The following RAF1 variants were observed in gnomAD, a reference collection of about 807,000 sequenced individuals.
The protein encoded by RAF1 is RAF proto-oncogene serine/threonine-protein kinase.
Under a neutral mutation model 81.1 loss-of-function variants are expected in RAF1, and 27 were observed. That is an observed-to-expected ratio of 0.33 (90% CI 0.25 to 0.46). The LOEUF is 0.46. RAF1 is among the 20% of genes least tolerant of loss of function. The pLI, the probability that RAF1 is intolerant of heterozygous loss-of-function variation, is 1.00. For missense variants in RAF1, 598 were observed against 826.0 expected (o/e 0.72, Z 3.38); for synonymous variants, 298 against 294.0 (o/e 1.01, Z -0.14).
chr3:12,612,649 CAAAAAAAAAA>C (rs546490049), intron 2 of RAF1, among the ~76,000 whole-genome samples: 1 of 74,684 alleles, frequency 1.3e-5, no homozygotes, highest in Non-Finnish European at 3.0e-5. Flanking sequence ...GACTCCGTCT[CAAAAAAAAAA>C]AAAAAAAAAG....
chr3:12,604,419 T>C (rs1237412118), intron 6 of RAF1, 130 bp from the exon 7 acceptor site: 1 of 1,001,710 alleles, frequency 1.0e-6, no homozygotes, highest in African/African-American at 1.6e-5. Context: ...ACAAAATGTT[T>C]GATTCTTTCA....
In RAF1 at chr3:12,651,388, CT is replaced by C. The variant is rs1050832535; in HGVS notation, c.-27+12424del. 4.5e-4 allele frequency among the ~76,000 whole-genome samples: 68 copies of C among 151,942 alleles called. 1 individual carries two copies. The highest frequency in any genetic ancestry group is 1.6e-3 in the Admixed American group (25 of 15,254). ...GTGGCTCATGCCAGTAATCCCAGCA[CT>C]TTGGGAGGCCGAGGAGGGTGGATCA... On this transcript the variant is annotated intron_variant, in intron 1 of 17. Coordinates refer to ENST00000442415, the MANE Select transcript of RAF1 (RefSeq NM_001354689.3).
chr3:12,651,665 A>G (rs115280099), intron 1 of RAF1, among the ~76,000 whole-genome samples: 2,818 of 151,324 alleles, frequency 0.019, 88 homozygotes, highest in African/African-American at 0.064. Context: ...AAAAAAAAAA[A>G]AGATACACGA....
chr3:12,606,220 C>T lies in RAF1; in HGVS notation c.661G>A (p.Val221Ile), dbSNP rs2125406433. The change falls in exon 6 of 18, where the codon GTT (valine) becomes ATT (isoleucine). Residue 221 changes from valine to isoleucine, a missense_variant. By Grantham distance (29) the Val-to-Ile change is conservative. Coordinates refer to ENST00000442415, the MANE Select transcript of RAF1 (RefSeq NM_001354689.3). ...AATTACCTAACAGGCATCCTGGAAA[C>T]AGACTCTCGCATACGACGCATAGTC... is the stretch of plus-strand genomic sequence containing the variant. 6.2e-7 allele frequency: 1 copy of T among 1,613,788 alleles called. No homozygotes were observed. The highest frequency in any genetic ancestry group is 1.1e-5 in the South Asian group (1 of 91,076).
rs151300313 is a variant in RAF1 at position 12,609,136 on chromosome 3, C to CTA, written c.423+95_423+96dup. 4.4e-3 allele frequency: 4,348 copies of CTA among 987,438 alleles called. 1 individual carries two copies. The highest frequency in any genetic ancestry group is 9.8e-3 in the East Asian group (379 of 38,692). The allele number at this position is 987,438 out of a possible 1,614,324, so 61.2% of individuals were successfully genotyped here. On this transcript the variant is annotated intron_variant, in intron 4 of 17. Transcript: ENST00000442415. ...GCATAAAGAACTTTAAACAATCCAA[C>CTA]TATATATATATATACATACGCATAT... is the stretch of plus-strand genomic sequence containing the variant.
In RAF1 at chr3:12,599,669, AAAGGGAGGGCCCC is replaced by A. The variant is rs727504451; in HGVS notation, c.1168+9_1168+21del. ...TTCACACCAAAGCCCTGCAGTTAGT[AAAGGGAGGGCCCC>A]AAGCTTACCGTGCCATTTACCCTTA... On this transcript the variant is annotated intron_variant, in intron 11 of 17. Coordinates refer to ENST00000442415, the MANE Select transcript of RAF1 (RefSeq NM_001354689.3). The A allele has an allele frequency of 6.5e-4, 1,035 of 1,592,256 alleles. 2 individuals are homozygous for A. Among genetic ancestry groups the A allele is most frequent in the Non-Finnish European group, 8.5e-4 (984 of 1,160,242 alleles).
chr3:12,645,157 C>T (rs1050538595), intron 1 of RAF1, among the ~76,000 whole-genome samples: 1 of 150,878 alleles, frequency 6.6e-6, no homozygotes, highest in Non-Finnish European at 1.5e-5. Context: ...AGGTAGCCAG[C>T]CTTTTGGTAT....
At chr3:12,610,980 C>T (rs1037756974) in intron 3 of RAF1, among the ~76,000 whole-genome samples, 3 of 151,808 alleles carry the variant, frequency 2.0e-5, no homozygotes, top group Non-Finnish European at 4.4e-5. Flanking sequence ...TATCAAACAG[C>T]AGGGATTAGT....
intron 6 of RAF1, among the ~76,000 whole-genome samples, chr3:12,605,297 T>A (rs866161404): frequency 3.3e-5 from 5 of 150,504 alleles, no homozygotes; most frequent in East Asian, 1.9e-4. Context: ...CATAATATAT[T>A]TTTTTTTGGA....
rs2058275262 is a variant in RAF1 at position 12,584,882 on chromosome 3, TCA to T, written c.1826_1827del (p.Val609GlufsTer18). On this transcript the variant is annotated frameshift_variant, in exon 17 of 18. Coordinates refer to ENST00000442415, the MANE Select transcript of RAF1 (RefSeq NM_001354689.3). LOFTEE classifies it high-confidence loss of function. ...AGAGGCCTCTCTTCCTTTACTTTCTTCACACAGTCAGCTACCAGCCTCTTCAT... is the reference window on the plus strand; with the variant it reads ...AGAGGCCTCTCTTCCTTTACTTTCTTCACAGTCAGCTACCAGCCTCTTCAT... 1.2e-6 allele frequency: 2 copies of T among 1,614,076 alleles called. No individual in the cohort carries two copies. Among genetic ancestry groups the T allele is most frequent in the African/African-American group, 1.3e-5 (1 of 74,924 alleles).
intron 8 of RAF1, among the ~76,000 whole-genome samples, chr3:12,603,231 G>C (rs1172663990): frequency 2.0e-5 from 3 of 152,030 alleles, no homozygotes; most frequent in Non-Finnish European, 4.4e-5. Flanking sequence ...ACACCGTCAT[G>C]CCTGGCCTAA....
chr3:12,647,816 T>G (rs768839705), intron 1 of RAF1, among the ~76,000 whole-genome samples: 2 of 152,174 alleles, frequency 1.3e-5, no homozygotes, highest in Non-Finnish European at 2.9e-5. Context: ...GACCACAAAC[T>G]GGTAACTTCA....
intron 15 of RAF1, 39 bp from the exon 15 acceptor site, chr3:12,585,292 CAT>C (rs767212781): frequency 6.2e-6 from 10 of 1,612,294 alleles, no homozygotes; most frequent in Middle Eastern, 1.8e-4. Context: ...CATTTATCAC[CAT>C]ATGACAGGCC....
intron 1 of RAF1, among the ~76,000 whole-genome samples, chr3:12,661,518 C>T (rs138753117): frequency 1.3e-5 from 2 of 151,956 alleles, no homozygotes; most frequent in Admixed American, 1.3e-4. Context: ...ACCAGCCTGG[C>T]CAACACGACA....
intron 1 of RAF1, among the ~76,000 whole-genome samples, chr3:12,622,040 G>A (rs530490568): frequency 6.6e-6 from 1 of 152,250 alleles, no homozygotes; most frequent in African/African-American, 2.4e-5. Context: ...TGTAAGAGGG[G>A]ATGACAGAAC....
intron 2 of RAF1, among the ~76,000 whole-genome samples, chr3:12,613,764 G>A (rs565016362): frequency 2.6e-5 from 4 of 152,300 alleles, no homozygotes; most frequent in South Asian, 4.1e-4. Flanking sequence ...GAGGGGCAAC[G>A]TAAGAAGTTT....
intron 6 of RAF1, 91 bp downstream of exon 6, chr3:12,606,110 A>C: frequency 1.1e-6 from 1 of 880,702 alleles, no homozygotes; most frequent in Non-Finnish European, 1.9e-6. Context: ...AGAGGAGGGA[A>C]TGCGAAGAAA....
intron 1 of RAF1, among the ~76,000 whole-genome samples, chr3:12,619,764 TC>T (rs1450933823): frequency 1.3e-5 from 2 of 151,854 alleles, no homozygotes; most frequent in Admixed American, 1.3e-4. Context: ...AACTAATATT[TC>T]TAGGATGTAT....
At chr3:12,606,324 GT>G in intron 5 of RAF1, 25 bp from the exon 6 acceptor site, 4 of 1,534,264 alleles carry the variant, frequency 2.6e-6, no homozygotes, top group South Asian at 1.1e-5. Flanking sequence ...GGAAAGACTG[GT>G]TTTTAGGCTT....
Sources: allele counts gnomAD v4.1 joint callset (sites outside exome capture counted in the v4.1 genomes callset), GRCh38; gene constraint gnomAD v4.1.1; transcripts MANE v1.5; gene names NCBI Gene and HGNC (gene_info 2026-07-23, HGNC 2026-07-21).